The following PTPRT variants were observed in gnomAD, a reference collection of about 807,000 sequenced individuals.
PTPRT encodes the protein receptor-type tyrosine-protein phosphatase T.
PTPRT carries 56 observed loss-of-function variants against 176.8 expected under a neutral mutation model. The observed-to-expected ratio is 0.32, with a 90% CI of 0.26 to 0.40. The LOEUF is 0.40. Among genes scored for constraint, PTPRT ranks in the 10% least tolerant of loss-of-function variants. The probability of loss-of-function intolerance (pLI) is 1.00; values close to 1 mark genes in which losing one functional copy is unlikely to be tolerated. For missense variants in PTPRT, 1,540 were observed against 1,908.2 expected, an observed-to-expected ratio of 0.81 and a Z score of 3.60; for synonymous variants, 783 against 739.0, an observed-to-expected ratio of 1.06 and a Z score of -0.96.
chr20:42,053,880 A>G, the PTPRT span, among the ~76,000 whole-genome samples: 1 of 152,204 alleles, frequency 6.6e-6, no homozygotes. Context: ...ACTGTGATTC[A>G]TACGGTGATG....
chr20:42,651,295 T>C (rs1261822056), intron 7 of PTPRT, among the ~76,000 whole-genome samples: 1 of 152,162 alleles, frequency 6.6e-6, no homozygotes, highest in Non-Finnish European at 1.5e-5. Flanking sequence ...CTATTGCTTG[T>C]CAAAGTCAGA....
At chr20:42,238,492 G>A (rs899803626) in intron 14 of PTPRT, among the ~76,000 whole-genome samples, 9 of 152,172 alleles carry the variant, frequency 5.9e-5, no homozygotes, top group Non-Finnish European at 7.3e-5. Context: ...AGCCATACAC[G>A]TTAGCACTGT....
At chr20:43,077,208 T>C (rs899677074) in intron 1 of PTPRT, among the ~76,000 whole-genome samples, 5 of 152,166 alleles carry the variant, frequency 3.3e-5, no homozygotes, top group African/African-American at 1.2e-4. Flanking sequence ...CACCCAACAC[T>C]ACAAACTGCA....
At chr20:42,576,817 C>T (rs1173081906) in intron 7 of PTPRT, among the ~76,000 whole-genome samples, 1 of 152,184 alleles carries the variant, frequency 6.6e-6, no homozygotes, top group East Asian at 1.9e-4. Context: ...AATTTCTTCA[C>T]TTATTTATTC....
intron 1 of PTPRT, among the ~76,000 whole-genome samples, chr20:42,901,161 G>A (rs750110108): frequency 5.3e-5 from 8 of 152,080 alleles, no homozygotes; most frequent in Non-Finnish European, 1.0e-4. Context: ...GGTCTTTGCA[G>A]CCTCCATACT....
chr20:42,093,848 T>C (rs1984904049), intron 27 of PTPRT, among the ~76,000 whole-genome samples: 1 of 152,216 alleles, frequency 6.6e-6, no homozygotes, highest in Non-Finnish European at 1.5e-5. Flanking sequence ...CCTGTGTCAT[T>C]GTTTATTTTC....
At chr20:42,493,005 T>C (rs1172814213) in intron 7 of PTPRT, among the ~76,000 whole-genome samples, 2 of 152,202 alleles carry the variant, frequency 1.3e-5, no homozygotes, top group South Asian at 2.1e-4. Flanking sequence ...CTTCAATAGA[T>C]TGATTCCCTA....
intron 16 of PTPRT, among the ~76,000 whole-genome samples, chr20:42,193,563 G>A (rs1209703376): frequency 6.6e-6 from 1 of 152,172 alleles, no homozygotes; most frequent in Non-Finnish European, 1.5e-5. Flanking sequence ...GTGACTTTGG[G>A]CTTATTTACT....
chr20:43,020,275 G>C (rs1038357564), intron 1 of PTPRT, among the ~76,000 whole-genome samples: 1 of 148,476 alleles, frequency 6.7e-6, no homozygotes, highest in South Asian at 2.1e-4. Context: ...TTTTTGGATA[G>C]CCCAGACTAA....
intron 7 of PTPRT, among the ~76,000 whole-genome samples, chr20:42,591,433 G>T (rs2073573026): frequency 1.3e-5 from 2 of 152,126 alleles, no homozygotes; most frequent in Admixed American, 1.3e-4. Context: ...TGTTTAATAA[G>T]ATATATTGCA....
chr20:42,997,361 T>C (rs974997387), intron 1 of PTPRT, among the ~76,000 whole-genome samples: 2 of 152,148 alleles, frequency 1.3e-5, no homozygotes, highest in African/African-American at 2.4e-5. Context: ...CCTGGTTCCA[T>C]TGAGATGCTC....
intron 9 of PTPRT, among the ~76,000 whole-genome samples, chr20:42,431,461 T>A (rs990152499): frequency 2.0e-5 from 3 of 152,342 alleles, no homozygotes; most frequent in African/African-American, 7.2e-5. Context: ...CATGGTTCTA[T>A]AAAGGCATCA....
At chr20:42,868,599 A>G (rs755654889) in intron 2 of PTPRT, among the ~76,000 whole-genome samples, 2 of 152,220 alleles carry the variant, frequency 1.3e-5, no homozygotes, top group Admixed American at 1.3e-4. Context: ...CAGCCTGGCC[A>G]GGACATAAAG....
chr20:42,442,746 T>C (rs567734068), intron 9 of PTPRT, among the ~76,000 whole-genome samples: 1 of 152,362 alleles, frequency 6.6e-6, no homozygotes, highest in East Asian at 1.9e-4. Context: ...GAACAATTAA[T>C]TGAATTGAAA....
At chr20:42,956,425 G>C (rs975329726) in intron 1 of PTPRT, among the ~76,000 whole-genome samples, 1 of 128,056 alleles carries the variant, frequency 7.8e-6, no homozygotes, top group African/African-American at 4.0e-5. Context: ...TACTCTAGCC[G>C]TGTGAGACAC....
chr20:42,726,616 C>T (rs2076385139), intron 6 of PTPRT, among the ~76,000 whole-genome samples: 2 of 152,224 alleles, frequency 1.3e-5, no homozygotes, highest in South Asian at 2.1e-4. Context: ...GACACATAAC[C>T]TTTGTAAGCT....
chr20:42,877,654 A>G (rs996230445), intron 2 of PTPRT, among the ~76,000 whole-genome samples: 7 of 152,208 alleles, frequency 4.6e-5, no homozygotes, highest in Non-Finnish European at 8.8e-5. Context: ...AAGCCCCAGC[A>G]TTGCGGTTAC....
chr20:42,989,736 C>T (rs1407382428), intron 1 of PTPRT, among the ~76,000 whole-genome samples: 1 of 152,196 alleles, frequency 6.6e-6, no homozygotes, highest in Non-Finnish European at 1.5e-5. Flanking sequence ...GCTGTATTTT[C>T]TGATTTGCTT....
intron 6 of PTPRT, among the ~76,000 whole-genome samples, chr20:42,705,870 G>C (rs1163860741): frequency 6.6e-6 from 1 of 152,158 alleles, no homozygotes; most frequent in Non-Finnish European, 1.5e-5. Context: ...TTTAGTACAT[G>C]TTAGCTATTG....
Sources: allele counts gnomAD v4.1 joint callset (sites outside exome capture counted in the v4.1 genomes callset), GRCh38; gene constraint gnomAD v4.1.1; transcripts MANE v1.5; gene names NCBI Gene and HGNC (gene_info 2026-07-23, HGNC 2026-07-21).